The following VLDLR variants were observed in gnomAD, a reference collection of about 807,000 sequenced individuals.
The protein encoded by VLDLR is very low density lipoprotein receptor.
In VLDLR, 81 loss-of-function variants were observed where a neutral mutation model predicts 112.7. That is an observed-to-expected ratio of 0.72 (90% CI 0.60 to 0.86). The LOEUF is 0.86. Among genes scored for constraint, VLDLR ranks in the 40% least tolerant of loss-of-function variants. The probability of loss-of-function intolerance (pLI) is 0.00; values close to 1 mark genes in which losing one functional copy is unlikely to be tolerated. For synonymous variants in VLDLR, 436 were observed against 384.8 expected (o/e 1.13, Z -1.56); for missense variants, 1,237 against 1,099.4 (o/e 1.13, Z -1.77).
intron 16 of VLDLR, 74 bp from the exon 17 acceptor site, chr9:2,651,800 C>T (rs903611331): frequency 1.3e-6 from 2 of 1,548,440 alleles, no homozygotes; most frequent in Non-Finnish European, 1.8e-6. Context: ...AAGGTTTTGG[C>T]TCCTTACCTG....
intron 4 of VLDLR, among the ~76,000 whole-genome samples, chr9:2,642,282 A>T (rs1009097133): frequency 1.3e-5 from 2 of 152,142 alleles, no homozygotes; most frequent in African/African-American, 4.8e-5. Context: ...GCCTCCTGAT[A>T]TGGTAGTAGT....
chr9:2,633,051 AGTGTGT>A (rs71329439), intron 1 of VLDLR, among the ~76,000 whole-genome samples: 2 of 115,402 alleles, frequency 1.7e-5, no homozygotes, highest in South Asian at 3.2e-4. Flanking sequence ...AGAGAGAGAG[AGTGTGT>A]GTGTGTGTGT....
At chr9:2,634,016 G>C (rs1193691631) in intron 1 of VLDLR, among the ~76,000 whole-genome samples, 1 of 152,192 alleles carries the variant, frequency 6.6e-6, no homozygotes, top group East Asian at 1.9e-4. Context: ...ATTATGAAAT[G>C]AAGGTAGGAA....
At position 2,647,533 on chromosome 9, in the gene VLDLR, G is replaced by C; in HGVS notation, c.1763G>C (p.Gly588Ala). 1 of 1,614,174 alleles carries C rather than the reference G, an allele frequency of 6.2e-7. No homozygotes were observed. The highest frequency in any genetic ancestry group is 1.1e-5 in the South Asian group (1 of 91,088). ...PAKIEKAGMNGFDRRPLVTAD... is the reference protein window; with the variant it reads ...PAKIEKAGMNAFDRRPLVTAD... The stretch of plus-strand genomic sequence containing the variant: ...AAAATAGAAAAAGCAGGAATGAATG[G>C]ATTCGATAGACGTCCACTGGTGACA... Residue 588 changes from glycine (G) to alanine (A), a missense_variant, in exon 12 of 19, where the codon GGA (glycine) becomes GCA (alanine). Transcript: ENST00000382100.
chr9:2,633,681 G>C (rs1817468928), intron 1 of VLDLR, among the ~76,000 whole-genome samples: 1 of 151,944 alleles, frequency 6.6e-6, no homozygotes, highest in South Asian at 2.1e-4. Flanking sequence ...TTCTTTCCAA[G>C]TATATTTATA....
At position 2,646,456 on chromosome 9, in the gene VLDLR, C is replaced by T; in HGVS notation, c.1607C>T (p.Thr536Ile). The change falls in exon 11 of 19, where the codon ACT becomes ATT. Residue 536 changes from threonine to isoleucine, a missense_variant. By Grantham distance (89) the Thr-to-Ile change is moderately conservative. Coordinates refer to ENST00000382100, the MANE Select transcript of VLDLR (RefSeq NM_003383.5). ...TIYWTDAASK[T>I]ISVATLDGTK... ...TACTGGACTGATGCGGCTTCTAAGA[C>T]TATTTCAGTAGCTACCCTAGATGGA... 1 of 1,614,130 alleles carries T rather than the reference C, an allele frequency of 6.2e-7. No homozygotes were observed.
rs755435033 is a variant in VLDLR at position 2,639,856 on chromosome 9, T to C, written c.203-3T>C. 1.2e-6 allele frequency: 2 copies of C among 1,614,044 alleles called. No homozygotes were observed. Among genetic ancestry groups the C allele is most frequent in the South Asian group, 1.1e-5 (1 of 91,070 alleles). On this transcript the variant is annotated splice_polypyrimidine_tract_variant and splice_region_variant and intron_variant, in intron 2 of 18. Coordinates refer to ENST00000382100, the MANE Select transcript of VLDLR (RefSeq NM_003383.5). Reference sequence around the variant, plus strand: ...CTTTAACCCTTCAAATAAACGTTTGTAGTAAAGAAGACGTGTGCTGAATCT... The same window carrying C: ...CTTTAACCCTTCAAATAAACGTTTGCAGTAAAGAAGACGTGTGCTGAATCT...
rs936886950 is a variant in VLDLR at position 2,656,542 on chromosome 9, C to G, written c.*2674C>G. 3.3e-5 allele frequency: 5 copies of G among 152,044 alleles called. No individual in the cohort carries two copies. The highest frequency in any genetic ancestry group is 1.2e-4 in the African/African-American group (5 of 41,380). 9.4% of individuals were successfully genotyped at this position (152,044 alleles called of 1,614,324 possible). The stretch of plus-strand genomic sequence containing the variant: ...TGATAACAGGCCTCGGCTTTATCAC[C>G]CAAAAAATAACTTGAATTCTATGTG... On this transcript the variant is annotated 3_prime_UTR_variant, in exon 19 of 19. Transcript: ENST00000382100.
intron 13 of VLDLR, 43 bp downstream of exon 13, chr9:2,648,390 A>C (rs376689869): frequency 6.2e-7 from 1 of 1,613,092 alleles, no homozygotes; most frequent in South Asian, 1.1e-5. Context: ...TTGAGCTACT[A>C]TATCACTTTG....
Position 2,648,290 on chromosome 9 carries a change from G to A in VLDLR, c.1905G>A (p.Arg635=). 1 of 1,614,200 alleles carries A rather than the reference G, an allele frequency of 6.2e-7. No homozygotes were observed. The highest frequency in any genetic ancestry group is 8.5e-7 in the Non-Finnish European group (1 of 1,180,022). ...SSVDLNGQDR[R]IVLKSLEFLA... is the part of the protein sequence containing the mutation. ...TGGACTTGAATGGCCAAGATCGTAG[G>A]ATAGTACTAAAGTCTCTGGAGTTCC... is the stretch of plus-strand genomic sequence containing the variant. The change falls in exon 13 of 19, where the codon AGG becomes AGA. Residue 635 remains arginine, a synonymous_variant. Coordinates refer to ENST00000382100, the MANE Select transcript of VLDLR (RefSeq NM_003383.5).
At chr9:2,644,011 G>T (rs1162074232) in intron 7 of VLDLR, 52 bp downstream of exon 7, 1 of 1,613,422 alleles carries the variant, frequency 6.2e-7, no homozygotes, top group African/African-American at 1.3e-5. Flanking sequence ...ACACAATCCA[G>T]TATAGCTAAC....
rs371177410 is a variant in VLDLR, at chr9:2,645,038, G to A, written c.1268G>A (p.Arg423His). 35 of 1,614,184 alleles carry A rather than the reference G, an allele frequency of 2.2e-5. No individual in the cohort carries two copies. The African/African-American group carries it at 2.9e-4, about 14-fold the overall frequency. ...GGCGGTTACAAGTGTGAATGTAGTCGTGGCTATCAAATGGATCTTGCTACT... is the reference window on the plus strand; with the variant it reads ...GGCGGTTACAAGTGTGAATGTAGTCATGGCTATCAAATGGATCTTGCTACT... ...LKGGYKCECS[R>H]GYQMDLATGV... The change falls in exon 9 of 19, where the codon CGT becomes CAT. Residue 423 changes from arginine (R) to histidine (H), a missense_variant. Arg to His is a conservative substitution (Grantham distance 29). Transcript: ENST00000382100.
At chr9:2,648,594 G>A (rs1267459659) in intron 13 of VLDLR, 75 bp from the exon 14 acceptor site, 104 of 1,604,760 alleles carry the variant, frequency 6.5e-5, no homozygotes, top group Middle Eastern at 3.3e-4. Context: ...TAAATGAGAA[G>A]TAAATGATGA....
intron 1 of VLDLR, among the ~76,000 whole-genome samples, chr9:2,628,617 G>A (rs1179094493): frequency 6.6e-6 from 1 of 152,182 alleles, no homozygotes; most frequent in African/African-American, 2.4e-5. Flanking sequence ...TGGAGGCAAA[G>A]GAACAAGACA....
At chr9:2,639,752 G>A (rs1256343344) in intron 2 of VLDLR, 107 bp from the exon 3 acceptor site, 1 of 1,566,858 alleles carries the variant, frequency 6.4e-7, no homozygotes, top group African/African-American at 1.4e-5. Context: ...CATTGACTCA[G>A]CTTTTTTTTA....
intron 14 of VLDLR, among the ~76,000 whole-genome samples, chr9:2,649,601 A>T (rs890534226): frequency 1.3e-5 from 2 of 152,300 alleles, no homozygotes; most frequent in African/African-American, 4.8e-5. Context: ...CATGTTGGCC[A>T]GACTGGTCTC....
intron 12 of VLDLR, chr9:2,647,821 A>C (rs529836524): frequency 1.6e-6 from 1 of 622,726 alleles, no homozygotes; most frequent in African/African-American, 1.8e-5. Context: ...TGTGACACAA[A>C]TTCAGTGAAC....
chr9:2,641,652 G>T (rs1332996569), intron 4 of VLDLR, among the ~76,000 whole-genome samples, 153 bp downstream of exon 4: 1 of 152,144 alleles, frequency 6.6e-6, no homozygotes, highest in African/African-American at 2.4e-5. Context: ...CTTCATAACT[G>T]CCCTAAAACC....
At chr9:2,639,771 C>T (rs1817746884) in intron 2 of VLDLR, 88 bp from the exon 3 acceptor site, 4 of 1,604,366 alleles carry the variant, frequency 2.5e-6, no homozygotes, top group African/African-American at 2.7e-5. Context: ...TAGAGCAAAA[C>T]ATGCCAAAAT....
Sources: gnomAD v4.1 joint callset for allele counts (sites outside exome capture counted in the v4.1 genomes callset) on GRCh38, gnomAD v4.1.1 for gene constraint, MANE v1.5 for transcripts, NCBI Gene and HGNC (gene_info 2026-07-23, HGNC 2026-07-21) for gene names.